Variants in ADCY7 observed in about 807,000 individuals in gnomAD.
ADCY7 encodes the protein adenylate cyclase type 7.
In ADCY7, 72 loss-of-function variants were observed where a neutral mutation model predicts 120.6. The observed-to-expected ratio is 0.60, with a 90% confidence interval of 0.49 to 0.73. The LOEUF (loss-of-function observed/expected upper bound fraction) is 0.73, where lower values mean the gene tolerates loss of function less well. Ranked by LOEUF, ADCY7 falls within the 30% of genes least tolerant of loss-of-function variation. The pLI is 0.00. For missense variants in ADCY7, 1,227 were observed against 1,486.0 expected (o/e 0.83, Z 2.87); for synonymous variants, 661 against 628.0 (o/e 1.05, Z -0.78).
intron 1 of ADCY7, among the ~76,000 whole-genome samples, chr16:50,268,614 T>C (rs2033365695): frequency 6.6e-6 from 1 of 152,164 alleles, no homozygotes; most frequent in African/African-American, 2.4e-5. Flanking sequence ...GCAGCTGTTT[T>C]CCGGGTGATG....
intron 1 of ADCY7, among the ~76,000 whole-genome samples, chr16:50,251,226 C>T (rs931603331): frequency 3.3e-5 from 5 of 149,878 alleles, no homozygotes; most frequent in Admixed American, 6.7e-5. Flanking sequence ...GGTGATAGAG[C>T]GAGACCCTGA....
intron 18 of ADCY7, chr16:50,310,347 C>A: frequency 1.0e-6 from 1 of 956,512 alleles, no homozygotes; most frequent in Non-Finnish European, 1.6e-6. Context: ...CAATCTTGAG[C>A]AGGGCAGAGG....
intron 1 of ADCY7, among the ~76,000 whole-genome samples, chr16:50,248,645 AAAAT>A (rs2032662553): frequency 6.6e-6 from 1 of 152,198 alleles, no homozygotes; most frequent in East Asian, 1.9e-4. Flanking sequence ...CTGTGTTTTC[AAAAT>A]TGTCGGCAAT....
chr16:50,312,756 C>T, intron 21 of ADCY7, 134 bp from the exon 22 acceptor site: 1 of 836,808 alleles, frequency 1.2e-6, no homozygotes. Flanking sequence ...GAAACTCATG[C>T]AGCCCGCCCC....
At chr16:50,296,810 G>A (rs1165984359) in intron 7 of ADCY7, among the ~76,000 whole-genome samples, 1 of 152,208 alleles carries the variant, frequency 6.6e-6, no homozygotes, top group Non-Finnish European at 1.5e-5. Context: ...CCCTGTTGCA[G>A]GGGGTAACCA....
intron 1 of ADCY7, among the ~76,000 whole-genome samples, chr16:50,285,419 G>A (rs766339948): frequency 3.9e-5 from 6 of 152,248 alleles, no homozygotes; most frequent in Non-Finnish European, 8.8e-5. Context: ...GGTGGCTCCT[G>A]GAATTGAGGT....
chr16:50,305,378 C>T (rs12444679), intron 12 of ADCY7, 125 bp from the exon 13 acceptor site: 214,052 of 844,930 alleles, frequency 0.25, 28,371 homozygotes, highest in East Asian at 0.36. Flanking sequence ...CTCAGTGGGA[C>T]CCACCCATTC....
At chr16:50,301,046 G>A (rs2035685173) in intron 9 of ADCY7, 36 bp from the exon 10 acceptor site, 1 of 1,606,004 alleles carries the variant, frequency 6.2e-7, no homozygotes. Flanking sequence ...GCCCTCTCTG[G>A]GCCCCAAGGC....
At chr16:50,259,772 T>C (rs1444392910) in intron 1 of ADCY7, among the ~76,000 whole-genome samples, 3 of 152,208 alleles carry the variant, frequency 2.0e-5, no homozygotes, top group Admixed American at 6.5e-5. Flanking sequence ...GGAGTGGCTT[T>C]GGGGCTTACC....
intron 1 of ADCY7, among the ~76,000 whole-genome samples, chr16:50,249,514 T>C (rs1195006243): frequency 2.0e-5 from 3 of 152,180 alleles, no homozygotes; most frequent in African/African-American, 4.8e-5. Flanking sequence ...GTTGACCTCA[T>C]GGGTTCCCCC....
chr16:50,290,710 TC>T, intron 3 of ADCY7, 50 bp downstream of exon 3: 1 of 1,569,822 alleles, frequency 6.4e-7, no homozygotes, highest in Middle Eastern at 2.0e-4. Flanking sequence ...GCAGCTCCCA[TC>T]CCCGTGGTTG....
chr16:50,298,635 C>A (rs1386100500), intron 7 of ADCY7, among the ~76,000 whole-genome samples: 1 of 152,224 alleles, frequency 6.6e-6, no homozygotes, highest in Non-Finnish European at 1.5e-5. Flanking sequence ...ATTACCTGGG[C>A]AAATGAAACC....
chr16:50,258,100 G>T (rs1003230426), intron 1 of ADCY7, among the ~76,000 whole-genome samples: 4 of 152,054 alleles, frequency 2.6e-5, no homozygotes, highest in African/African-American at 9.7e-5. Flanking sequence ...ATGGTGGCAT[G>T]CACTTGTAAT....
At chr16:50,312,330 A>G in intron 21 of ADCY7, 139 bp downstream of exon 21, 1 of 931,744 alleles carries the variant, frequency 1.1e-6, no homozygotes, top group Admixed American at 2.4e-5. Context: ...CCAGGCGACA[A>G]TGTATGGCAT....
chr16:50,308,329 C>G lies in ADCY7; in HGVS notation c.1853C>G (p.Thr618Arg), dbSNP rs148155774. 3 of 1,614,182 alleles carry G rather than the reference C, an allele frequency of 1.9e-6. No individual in the cohort carries two copies. The highest frequency in any genetic ancestry group is 2.5e-6 in the Non-Finnish European group (3 of 1,180,036). ...LLVHVLLMPR[T>R]AALGVSFGLV... ...TGAGGTTCTTCCCTCCTCTCCAGGACGGCGGCACTGGGTGTGTCCTTCGGG... is the reference window on the plus strand; with the variant it reads ...TGAGGTTCTTCCCTCCTCTCCAGGAGGGCGGCACTGGGTGTGTCCTTCGGG... The change falls in exon 16 of 26, where the codon ACG (threonine) becomes AGG (arginine). Residue 618 changes from threonine (T) to arginine (R), a missense_variant and splice_region_variant. By Grantham distance (71) the Thr-to-Arg change is moderately conservative. Coordinates refer to ENST00000673801, the MANE Select transcript of ADCY7 (RefSeq NM_001114.5).
chr16:50,313,331 A>G (rs961364155), intron 22 of ADCY7: 16 of 303,766 alleles, frequency 5.3e-5, no homozygotes, highest in African/African-American at 3.3e-4. Flanking sequence ...GAGGCAGGAG[A>G]ATCGCTTGAA....
At chr16:50,312,862 G>A in intron 21 of ADCY7, 28 bp from the exon 22 acceptor site, 3 of 1,610,254 alleles carry the variant, frequency 1.9e-6, no homozygotes, top group Non-Finnish European at 2.5e-6. Context: ...AGGTGAAGTG[G>A]TGTAAGGTCC....
chr16:50,245,520 C>T (rs901430234), upstream of ADCY7, among the ~76,000 whole-genome samples: 2 of 152,118 alleles, frequency 1.3e-5, no homozygotes, highest in Non-Finnish European at 2.9e-5. Context: ...TTTTTTTCTG[C>T]CAACACTGGG....
At chr16:50,299,692 G>T (rs935926096) in intron 8 of ADCY7, among the ~76,000 whole-genome samples, 4 of 152,244 alleles carry the variant, frequency 2.6e-5, no homozygotes, top group African/African-American at 9.6e-5. Flanking sequence ...AGAAGCCTGG[G>T]CAGAGCTGGA....
Sources: allele counts gnomAD v4.1 joint callset (sites outside exome capture counted in the v4.1 genomes callset), GRCh38; gene constraint gnomAD v4.1.1; transcripts MANE v1.5; gene names NCBI Gene and HGNC (gene_info 2026-07-23, HGNC 2026-07-21).